Variants in TBC1D5 observed in about 807,000 individuals in gnomAD.
TBC1D5 encodes the protein TBC1 domain family, member 5.
In TBC1D5, 75 loss-of-function variants were observed where a neutral mutation model predicts 100.3. The observed-to-expected ratio is 0.75, with a 90% CI of 0.62 to 0.91. The LOEUF (loss-of-function observed/expected upper bound fraction) is 0.91, where lower values mean the gene tolerates loss of function less well. Among genes scored for constraint, TBC1D5 ranks in the 40% least tolerant of loss-of-function variants. The probability of loss-of-function intolerance (pLI) is 0.00; values close to 1 mark genes in which losing one functional copy is unlikely to be tolerated. For synonymous variants in TBC1D5, 323 were observed against 325.6 expected, an observed-to-expected ratio of 0.99 and a Z score of 0.09; for missense variants, 910 against 942.4, an observed-to-expected ratio of 0.97 and a Z score of 0.45.
At chr3:17,175,566 C>T (rs890466325) in intron 19 of TBC1D5, among the ~76,000 whole-genome samples, 1 of 152,118 alleles carries the variant, frequency 6.6e-6, no homozygotes, top group Non-Finnish European at 1.5e-5. Flanking sequence ...GATGCCTTTG[C>T]CAGAATATGT....
intron 10 of TBC1D5, among the ~76,000 whole-genome samples, chr3:17,375,879 C>T (rs1408932393): frequency 2.0e-5 from 3 of 152,092 alleles, no homozygotes; most frequent in Admixed American, 2.0e-4. Context: ...GATGCGCTGG[C>T]CTGATGAATA....
intron 13 of TBC1D5, among the ~76,000 whole-genome samples, chr3:17,359,718 C>A (rs554422197): frequency 1.3e-5 from 2 of 152,078 alleles, no homozygotes; most frequent in East Asian, 3.9e-4. Flanking sequence ...TACAGGTTAG[C>A]TTAATTACCA....
intron 1 of TBC1D5, among the ~76,000 whole-genome samples, chr3:17,721,251 A>T (rs2075674206): frequency 6.6e-6 from 1 of 152,226 alleles, no homozygotes; most frequent in Non-Finnish European, 1.5e-5. Context: ...AAGTATTCTT[A>T]AACAGTAATT....
At chr3:17,618,392 A>G (rs979110589) in intron 2 of TBC1D5, among the ~76,000 whole-genome samples, 1 of 152,200 alleles carries the variant, frequency 6.6e-6, no homozygotes, top group Non-Finnish European at 1.5e-5. Flanking sequence ...GTCCATTCTC[A>G]GAGCTTAAAT....
chr3:17,419,606 G>A (rs1559847110), intron 4 of TBC1D5, among the ~76,000 whole-genome samples: 1 of 152,122 alleles, frequency 6.6e-6, no homozygotes, highest in Non-Finnish European at 1.5e-5. Flanking sequence ...AGAACACCTA[G>A]CAAACAGATT....
At chr3:17,266,018 T>C (rs989609175) in intron 15 of TBC1D5, among the ~76,000 whole-genome samples, 2 of 152,142 alleles carry the variant, frequency 1.3e-5, no homozygotes, top group Admixed American at 1.3e-4. Flanking sequence ...GGAGACAGTT[T>C]GTTGTAATGT....
At chr3:17,499,483 G>A (rs917049985) in intron 3 of TBC1D5, among the ~76,000 whole-genome samples, 9 of 149,426 alleles carry the variant, frequency 6.0e-5, no homozygotes, top group African/African-American at 1.8e-4. Context: ...CCATGTGGGC[G>A]GATCACTTGA....
intron 3 of TBC1D5, among the ~76,000 whole-genome samples, chr3:17,441,955 G>A (rs926432746): frequency 6.6e-6 from 1 of 151,820 alleles, no homozygotes; most frequent in Non-Finnish European, 1.5e-5. Context: ...TTCTCCCACT[G>A]ACAACAATTT....
rs569437681 is a variant in TBC1D5, at chr3:17,687,487, A to AT, written c.-101+51855dup. ...CCAAATCAATAAAAATAATAATCAA[A>AT]TAATAACAAGGAGAGGGGGAAAAAA... On this transcript the variant is annotated intron_variant, in intron 1 of 21. Coordinates refer to ENST00000253692, the Ensembl canonical transcript of TBC1D5. 2.6e-5 allele frequency among the ~76,000 whole-genome samples: 4 copies of AT among 152,174 alleles called. No homozygotes were observed. In the South Asian group the frequency reaches 6.2e-4, roughly 24 times the overall value.
At chr3:17,697,474 G>A (rs2072315928) in intron 1 of TBC1D5, among the ~76,000 whole-genome samples, 1 of 152,156 alleles carries the variant, frequency 6.6e-6, no homozygotes, top group Non-Finnish European at 1.5e-5. Flanking sequence ...GACAAACAGA[G>A]AGCCAAATCA....
intron 13 of TBC1D5, among the ~76,000 whole-genome samples, chr3:17,351,637 T>C (rs1472914041): frequency 6.6e-6 from 1 of 152,020 alleles, no homozygotes; most frequent in Non-Finnish European, 1.5e-5. Context: ...TAGATGATGG[T>C]TGATGGGTGC....
At chr3:17,412,917 A>G (rs769924934) in intron 4 of TBC1D5, among the ~76,000 whole-genome samples, 6 of 152,124 alleles carry the variant, frequency 3.9e-5, no homozygotes, top group Non-Finnish European at 8.8e-5. Flanking sequence ...ATAGAAATAT[A>G]CCCTTGTTTT....
Position 17,177,208 on chromosome 3 carries a change from T to G in TBC1D5, c.1852+7901A>C, listed in dbSNP as rs533104905. Among the ~76,000 whole-genome samples the G allele has an allele frequency of 2.6e-5, 4 of 152,190 alleles. No homozygotes were observed. The South Asian group carries it at 8.3e-4, about 32-fold the overall frequency. On this transcript the variant is annotated intron_variant, in intron 19 of 21. Transcript: ENST00000253692. ...AACCAGAAAATGGAAAGCAAAATGA[T>G]GAAAGTTGGACAGTCTGTACTGAGG...
rs1476420156 is a variant in TBC1D5, at chr3:17,390,499, T to C, written c.510-6484A>G. On this transcript the variant is annotated intron_variant, in intron 8 of 21. Transcript: ENST00000253692. ...GACAAAGCATTGGGCTCAGATGAAA[T>C]ACTGAAGATGCAAGTATTCAATAAG... 4.6e-5 allele frequency among the ~76,000 whole-genome samples: 7 copies of C among 152,108 alleles called. No individual in the cohort carries two copies. The East Asian group carries it at 1.4e-3, about 29-fold the overall frequency.
At chr3:17,384,213 A>T (rs2093059808) in intron 8 of TBC1D5, among the ~76,000 whole-genome samples, 198 bp from the exon 9 acceptor site, 1 of 152,076 alleles carries the variant, frequency 6.6e-6, no homozygotes, top group African/African-American at 2.4e-5. Flanking sequence ...GGTAAATTAC[A>T]TCCTTCAACA....
At chr3:17,386,822 C>T (rs2093171877) in intron 8 of TBC1D5, among the ~76,000 whole-genome samples, 1 of 152,112 alleles carries the variant, frequency 6.6e-6, no homozygotes, top group South Asian at 2.1e-4. Context: ...TGAAGTTTTT[C>T]TTTTAACACA....
intron 3 of TBC1D5, among the ~76,000 whole-genome samples, chr3:17,449,741 TA>T (rs1182797742): frequency 6.6e-6 from 1 of 152,080 alleles, no homozygotes; most frequent in South Asian, 2.1e-4. Context: ...GTTAGGGGCT[TA>T]TAGATAAAAC....
chr3:17,167,916 G>A, intron 19 of TBC1D5, 88 bp from the exon 21 acceptor site: 2 of 937,340 alleles, frequency 2.1e-6, no homozygotes, highest in Non-Finnish European at 3.2e-6. Flanking sequence ...GGCTTGGGAA[G>A]TTTTCTGCCA....
intron 1 of TBC1D5, among the ~76,000 whole-genome samples, chr3:17,626,229 C>T (rs2063044018): frequency 6.6e-6 from 1 of 152,030 alleles, no homozygotes; most frequent in Non-Finnish European, 1.5e-5. Context: ...AAATGACAAA[C>T]CACATTCTTC....
Sources: allele counts gnomAD v4.1 joint callset (sites outside exome capture counted in the v4.1 genomes callset), GRCh38; gene constraint gnomAD v4.1.1; transcripts MANE v1.5; gene names NCBI Gene and HGNC (gene_info 2026-07-23, HGNC 2026-07-21).